Variants in DAAM1 observed in about 807,000 individuals in gnomAD.
DAAM1 encodes the protein dishevelled associated activator of morphogenesis 1.
A neutral mutation model predicts 130.0 loss-of-function variants in DAAM1; 52 were observed. That is an observed-to-expected ratio of 0.40 (90% CI 0.32 to 0.50). The LOEUF (loss-of-function observed/expected upper bound fraction) is 0.50, where lower values mean the gene tolerates loss of function less well. DAAM1 is among the 20% of genes least tolerant of loss of function. The pLI is 0.61. For missense variants in DAAM1, 1,134 were observed against 1,303.8 expected, an observed-to-expected ratio of 0.87 and a Z score of 2.01; for synonymous variants, 452 against 444.5, an observed-to-expected ratio of 1.02 and a Z score of -0.21.
At chr14:59,264,426 A>T (rs1882335409) in intron 2 of DAAM1, 1 of 152,190 alleles carries the variant, frequency 6.6e-6, no homozygotes, top group Non-Finnish European at 1.5e-5. Context: ...CTTTGATTTT[A>T]TCTTCATAAT....
chr14:59,329,838 C>T (rs1386081964), intron 12 of DAAM1, among the ~76,000 whole-genome samples: 1 of 152,222 alleles, frequency 6.6e-6, no homozygotes, highest in Non-Finnish European at 1.5e-5. Context: ...TTTTCGCGTT[C>T]TACTGACCCC....
chr14:59,226,828 T>C (rs1023857930), intron 1 of DAAM1, among the ~76,000 whole-genome samples: 1 of 152,194 alleles, frequency 6.6e-6, no homozygotes, highest in African/African-American at 2.4e-5. Context: ...CATTAGAACC[T>C]GGGAATGGAC....
intron 3 of DAAM1, among the ~76,000 whole-genome samples, chr14:59,292,428 C>T (rs1883783559): frequency 6.6e-6 from 1 of 152,166 alleles, no homozygotes; most frequent in Admixed American, 6.5e-5. Context: ...CCCTGTGCCA[C>T]TCTCCTGGGA....
At position 59,352,990 on chromosome 14, in the gene DAAM1, AC is replaced by A. The variant is rs147977239; in HGVS notation, c.2267+359del. Among the ~76,000 whole-genome samples, 492 of 94,720 alleles carry A rather than the reference AC, an allele frequency of 5.2e-3. 2 individuals are homozygous for A. Among genetic ancestry groups the A allele is most frequent in the African/African-American group, 0.02 (414 of 20,870 alleles). The allele number at this position is 94,720 out of a possible 152,430, so 62.1% of individuals were successfully genotyped here. A position where few individuals can be genotyped will look rare whatever the true frequency, so the allele number is the denominator to read the frequency against. On this transcript the variant is annotated intron_variant, in intron 18 of 24. Coordinates refer to ENST00000360909, the MANE Select transcript of DAAM1 (RefSeq NM_001270520.2). ...CTTAGCATGGCAAGGTGGTTGTAAAACAAAAAAAAAAAAAAGAAAAAAAAAT... is the reference window on the plus strand; with the variant it reads ...CTTAGCATGGCAAGGTGGTTGTAAAAAAAAAAAAAAAAAAGAAAAAAAAAT...
intron 1 of DAAM1, among the ~76,000 whole-genome samples, chr14:59,199,002 C>T (rs1888008912): frequency 6.6e-6 from 1 of 152,196 alleles, no homozygotes; most frequent in African/African-American, 2.4e-5. Context: ...GCACTGTGTA[C>T]TCATCAAAGT....
intron 1 of DAAM1, among the ~76,000 whole-genome samples, chr14:59,239,624 T>G (rs1013432262): frequency 6.6e-6 from 1 of 152,050 alleles, no homozygotes; most frequent in Admixed American, 6.6e-5. Flanking sequence ...GTCGTATGCT[T>G]CCCCACCGCG....
At chr14:59,286,004 TCAAC>T (rs1353685840) in intron 2 of DAAM1, among the ~76,000 whole-genome samples, 1 of 152,038 alleles carries the variant, frequency 6.6e-6, no homozygotes, top group Non-Finnish European at 1.5e-5. Context: ...TACTCTAAGA[TCAAC>T]CACATATTCA....
chr14:59,364,856 C>CTGATATCCCA (rs1886853199), intron 23 of DAAM1, among the ~76,000 whole-genome samples: 1 of 150,082 alleles, frequency 6.7e-6, no homozygotes, highest in African/African-American at 2.5e-5. Context: ...GGTCCAACCT[C>CTGATATCCCA]TGATATCCCA....
intron 15 of DAAM1, 56 bp from the exon 16 acceptor site, chr14:59,340,018 C>CTGAA: frequency 6.7e-7 from 1 of 1,486,330 alleles, no homozygotes. Context: ...AAGTGTGTAT[C>CTGAA]TGAAGTCTGA....
intron 1 of DAAM1, among the ~76,000 whole-genome samples, chr14:59,201,160 C>CAAA (rs71111617): frequency 1.3e-3 from 91 of 68,800 alleles, no homozygotes; most frequent in African/African-American, 3.4e-3. Flanking sequence ...GACTCCGTCT[C>CAAA]AAAAAAAAAA....
chr14:59,290,833 C>T (rs1023240156), intron 2 of DAAM1, among the ~76,000 whole-genome samples: 6 of 152,140 alleles, frequency 3.9e-5, no homozygotes, highest in African/African-American at 1.4e-4. Flanking sequence ...TGAAGCCATC[C>T]CCAGCAAATC....
At chr14:59,330,444 A>G in intron 12 of DAAM1, 57 bp from the exon 13 acceptor site, 1 of 1,466,302 alleles carries the variant, frequency 6.8e-7, no homozygotes, top group Non-Finnish European at 9.1e-7. Flanking sequence ...CTTTTAGAGA[A>G]AATGCTTCAG....
intron 2 of DAAM1, among the ~76,000 whole-genome samples, chr14:59,267,958 A>T (rs940595685): frequency 2.2e-5 from 3 of 138,378 alleles, no homozygotes; most frequent in African/African-American, 2.7e-5. Flanking sequence ...GCTGGAGTGC[A>T]GTGGTGCGAT....
At chr14:59,333,280 G>T (rs1885510871) in intron 15 of DAAM1, among the ~76,000 whole-genome samples, 1 of 152,176 alleles carries the variant, frequency 6.6e-6, no homozygotes, top group Non-Finnish European at 1.5e-5. Flanking sequence ...GGAGCCCTCA[G>T]CTGCCCACCC....
intron 19 of DAAM1, 81 bp downstream of exon 19, chr14:59,354,045 A>C: frequency 1.5e-6 from 2 of 1,362,970 alleles, no homozygotes; most frequent in Non-Finnish European, 2.0e-6. Context: ...CATATAGTAA[A>C]CAAGATCCCC....
intron 1 of DAAM1, among the ~76,000 whole-genome samples, chr14:59,192,264 T>C (rs1270949220): frequency 6.6e-6 from 1 of 151,980 alleles, no homozygotes; most frequent in Non-Finnish European, 1.5e-5. Context: ...AAATAAGGTG[T>C]TTACAAGCAA....
chr14:59,305,362 C>T (rs987464680), intron 3 of DAAM1, among the ~76,000 whole-genome samples: 1 of 152,120 alleles, frequency 6.6e-6, no homozygotes, highest in African/African-American at 2.4e-5. Flanking sequence ...TTTTCTTTGC[C>T]ATGAAACTGA....
chr14:59,188,930 G>A (rs1444190270), intron 1 of DAAM1, among the ~76,000 whole-genome samples, 162 bp downstream of exon 1: 1 of 152,130 alleles, frequency 6.6e-6, no homozygotes, highest in East Asian at 1.9e-4. Flanking sequence ...TATTAAACCC[G>A]TCCTTCAGGT....
chr14:59,358,850 A>G (rs1025301739), intron 20 of DAAM1, among the ~76,000 whole-genome samples: 1 of 152,024 alleles, frequency 6.6e-6, no homozygotes, highest in African/African-American at 2.4e-5. Flanking sequence ...AAAAAAAAAA[A>G]AAGTATCAAT....
Sources: gnomAD v4.1 joint callset for allele counts (sites outside exome capture counted in the v4.1 genomes callset) on GRCh38, gnomAD v4.1.1 for gene constraint, MANE v1.5 for transcripts, NCBI Gene and HGNC (gene_info 2026-07-23, HGNC 2026-07-21) for gene names.